Variants in SOX5 observed in about 807,000 individuals in gnomAD.
SOX5 encodes SRY-box transcription factor 5.
A neutral mutation model predicts 92.0 loss-of-function variants in SOX5; 9 were observed. The ratio of observed to expected loss-of-function variants is 0.10; its 90% confidence interval spans 0.06 to 0.17. The LOEUF is 0.17. Among genes scored for constraint, SOX5 ranks in the 10% least tolerant of loss-of-function variants. The pLI, the probability that SOX5 is intolerant of heterozygous loss-of-function variation, is 1.00. For missense variants in SOX5, 642 were observed against 944.5 expected (o/e 0.68, Z 4.20); for synonymous variants, 344 against 336.3 (o/e 1.02, Z -0.25).
At position 24,303,919 on chromosome 12, in the gene SOX5, T is replaced by C. The variant is rs559666770; in HGVS notation, c.-173-26607A>G. Among the ~76,000 whole-genome samples, 7 of 152,256 alleles carry C rather than the reference T, an allele frequency of 4.6e-5. No individual in the cohort carries two copies. In the East Asian group the frequency reaches 1.2e-3, roughly 25 times the overall value. On this transcript the variant is annotated intron_variant, in intron 2 of 4. Coordinates refer to the SOX5 transcript ENST00000446891. ...TTAACTTATTCTTTTTTTTTGAAAA[T>C]TGGGGAAAGACAATTGTTCAATTAT... is the stretch of plus-strand genomic sequence containing the variant.
intron 4 of SOX5, among the ~76,000 whole-genome samples, chr12:24,091,000 C>T (rs1944570504): frequency 6.6e-6 from 1 of 152,180 alleles, no homozygotes; most frequent in Non-Finnish European, 1.5e-5. Context: ...AGTTCTGCTG[C>T]TATATTTTCT....
At chr12:23,626,478 G>T (rs1363620777) in intron 8 of SOX5, among the ~76,000 whole-genome samples, 1 of 152,054 alleles carries the variant, frequency 6.6e-6, no homozygotes, top group Non-Finnish European at 1.5e-5. Context: ...GATCTTCAGT[G>T]CTGGCTTGAC....
intron 4 of SOX5, among the ~76,000 whole-genome samples, chr12:24,160,429 AC>A (rs1374604740): frequency 6.6e-6 from 1 of 152,020 alleles, no homozygotes; most frequent in East Asian, 1.9e-4. Context: ...TGCAACATTT[AC>A]ATTGCATTCT....
At chr12:24,410,373 A>G (rs562344443) in intron 1 of SOX5, among the ~76,000 whole-genome samples, 4 of 152,202 alleles carry the variant, frequency 2.6e-5, no homozygotes, top group Non-Finnish European at 5.9e-5. Context: ...TAAAATCTAA[A>G]AATGCTTTGT....
chr12:23,579,046 G>A (rs1193494686), intron 9 of SOX5, among the ~76,000 whole-genome samples: 1 of 152,204 alleles, frequency 6.6e-6, no homozygotes, highest in East Asian at 1.9e-4. Flanking sequence ...GAAACACAGT[G>A]TGAGTGTATA....
intron 3 of SOX5, among the ~76,000 whole-genome samples, chr12:24,255,736 A>C (rs1941049913): frequency 6.6e-6 from 1 of 152,224 alleles, no homozygotes; most frequent in South Asian, 2.1e-4. Context: ...TCATCCAAAA[A>C]ATGAAATAAG....
chr12:23,728,390 G>T (rs909710952), intron 6 of SOX5, among the ~76,000 whole-genome samples: 1 of 152,144 alleles, frequency 6.6e-6, no homozygotes, highest in African/African-American at 2.4e-5. Context: ...AAGAGACAAG[G>T]TTACTTTGTA....
At chr12:23,949,976 C>A (rs1945336338), upstream of SOX5, among the ~76,000 whole-genome samples, 1 of 151,830 alleles carries the variant, frequency 6.6e-6, no homozygotes, top group Non-Finnish European at 1.5e-5. Context: ...CTCTTCTAGA[C>A]ATCACTGAAT....
intron 1 of SOX5, among the ~76,000 whole-genome samples, chr12:24,483,635 T>C (rs1946223291): frequency 6.6e-6 from 1 of 152,250 alleles, no homozygotes; most frequent in Admixed American, 6.5e-5. Context: ...ATAGGTCATT[T>C]TACCTATGAT....
intron 4 of SOX5, among the ~76,000 whole-genome samples, chr12:24,077,766 T>C (rs1942808857): frequency 1.9e-5 from 2 of 106,594 alleles, no homozygotes; most frequent in African/African-American, 3.5e-5. Context: ...CTTCGAAAGG[T>C]ATTTTCATAT....
intron 8 of SOX5, 122 bp downstream of exon 8, chr12:23,640,690 A>C: frequency 1.4e-6 from 1 of 717,884 alleles, no homozygotes; most frequent in Non-Finnish European, 2.4e-6. Context: ...ATTACAAATA[A>C]ATTTAAAAAC....
chr12:24,512,657 C>T, intron 1 of SOX5, among the ~76,000 whole-genome samples: 1 of 152,172 alleles, frequency 6.6e-6, no homozygotes, highest in South Asian at 2.1e-4. Context: ...CTTAACTTTG[C>T]TGCCCACTAA....
chr12:23,641,524 C>T (rs1300580286), intron 7 of SOX5, among the ~76,000 whole-genome samples: 2 of 152,030 alleles, frequency 1.3e-5, no homozygotes, highest in Non-Finnish European at 1.5e-5. Flanking sequence ...TTCCCCCCGA[C>T]ATTTTTTATC....
At chr12:23,961,808 T>C (rs1031627100) in intron 4 of SOX5, among the ~76,000 whole-genome samples, 1 of 152,206 alleles carries the variant, frequency 6.6e-6, no homozygotes, top group African/African-American at 2.4e-5. Flanking sequence ...CCTATTTGTG[T>C]ATCCTGGTAT....
At chr12:24,419,710 T>G (rs1158051349) in intron 1 of SOX5, among the ~76,000 whole-genome samples, 1 of 152,220 alleles carries the variant, frequency 6.6e-6, no homozygotes, top group East Asian at 1.9e-4. Context: ...ATTTTAAATG[T>G]TTAACCACAG....
At chr12:23,932,660 T>C (rs1941702655) in intron 1 of SOX5, among the ~76,000 whole-genome samples, 1 of 151,628 alleles carries the variant, frequency 6.6e-6, no homozygotes, top group Non-Finnish European at 1.5e-5. Flanking sequence ...TCAGTACATT[T>C]GTTTTTTATT....
intron 3 of SOX5, among the ~76,000 whole-genome samples, chr12:23,788,450 C>T (rs1015532463): frequency 2.0e-5 from 3 of 151,876 alleles, no homozygotes; most frequent in Non-Finnish European, 2.9e-5. Flanking sequence ...TAGTAAACTA[C>T]GTGCTTGTAA....
chr12:23,876,059 G>C lies in SOX5; in HGVS notation c.270+19734C>G, dbSNP rs370614565. The stretch of plus-strand genomic sequence containing the variant: ...CAAGTTGTAGTTTGTTGACCCCTAA[G>C]ATAGATGATGCTAATATACATTTCT... On this transcript the variant is annotated intron_variant, in intron 2 of 14. Coordinates refer to ENST00000451604, the MANE Select transcript of SOX5 (RefSeq NM_006940.6). Among the ~76,000 whole-genome samples, 4 of 152,250 alleles carry C rather than the reference G, an allele frequency of 2.6e-5. 1 individual carries two copies. Among genetic ancestry groups the C allele is most frequent in the Non-Finnish European group, 1.5e-5 (1 of 67,998 alleles).
At chr12:24,335,812 T>TA (rs1014720702) in intron 2 of SOX5, among the ~76,000 whole-genome samples, 1 of 151,028 alleles carries the variant, frequency 6.6e-6, no homozygotes. Flanking sequence ...TAAGCTCACA[T>TA]AAAAAAAAGT....
Sources: gnomAD v4.1 joint callset for allele counts (sites outside exome capture counted in the v4.1 genomes callset) on GRCh38, gnomAD v4.1.1 for gene constraint, MANE v1.5 for transcripts, NCBI Gene and HGNC (gene_info 2026-07-23, HGNC 2026-07-21) for gene names.